The following TXNDC11 variants were observed in gnomAD, a reference collection of about 807,000 sequenced individuals.
The protein encoded by TXNDC11 is thioredoxin domain containing 11, also known as thioredoxin domain-containing protein 11.
A neutral mutation model predicts 78.0 loss-of-function variants in TXNDC11; 68 were observed. The ratio of observed to expected loss-of-function variants is 0.87; its 90% CI spans 0.72 to 1.07. TXNDC11 has a LOEUF of 1.07. TXNDC11 is among the 50% of genes least tolerant of loss of function. The probability of loss-of-function intolerance (pLI) is 0.00; values close to 1 mark genes in which losing one functional copy is unlikely to be tolerated. For missense variants in TXNDC11, 1,389 were observed against 1,221.8 expected (o/e 1.14, Z -2.04); for synonymous variants, 571 against 495.2 (o/e 1.15, Z -2.03).
At position 11,734,022 on chromosome 16, in the gene TXNDC11, G is replaced by C; in HGVS notation, c.529C>G (p.His177Asp). 1 of 1,606,202 alleles carries C rather than the reference G, an allele frequency of 6.2e-7. No individual in the cohort carries two copies. Reference protein sequence around the residue: ...WNQGKCRKQKHFFYFPVIYLY... With the variant: ...WNQGKCRKQKDFFYFPVIYLY... ...TATATTACAGGAAAATAAAAGAAGTGTTTCTGTTTTCTGCATTTCCCCTGG... is the reference window on the plus strand; with the variant it reads ...TATATTACAGGAAAATAAAAGAAGTCTTTCTGTTTTCTGCATTTCCCCTGG... Residue 177 changes from histidine to aspartate, a missense_variant, in exon 3 of 12, where the codon CAC becomes GAC. Coordinates refer to ENST00000283033, the MANE Select transcript of TXNDC11 (RefSeq NM_015914.7).
At chr16:11,709,529 G>A (rs2051281398) in intron 5 of TXNDC11, among the ~76,000 whole-genome samples, 1 of 143,948 alleles carries the variant, frequency 6.9e-6, no homozygotes, top group Non-Finnish European at 1.5e-5. Flanking sequence ...CCGCCTCCCG[G>A]GTTCACGCCA....
intron 1 of TXNDC11, among the ~76,000 whole-genome samples, chr16:11,737,317 C>A (rs762277191): frequency 6.6e-6 from 1 of 151,482 alleles, no homozygotes; most frequent in African/African-American, 2.4e-5. Flanking sequence ...TGGTGATGGG[C>A]GCCTGTAATC....
At chr16:11,737,100 TA>T (rs1229866563) in intron 1 of TXNDC11, among the ~76,000 whole-genome samples, 2 of 151,998 alleles carry the variant, frequency 1.3e-5, no homozygotes, top group African/African-American at 4.8e-5. Context: ...CTAAACGAGA[TA>T]AATAGAGAAC....
intron 4 of TXNDC11, among the ~76,000 whole-genome samples, chr16:11,729,580 A>G (rs2051984411): frequency 6.6e-6 from 1 of 152,196 alleles, no homozygotes; most frequent in African/African-American, 2.4e-5. Flanking sequence ...ACAATTCTAA[A>G]CTGTCAGGAA....
At chr16:11,687,337 T>G (rs1230310045) in intron 10 of TXNDC11, among the ~76,000 whole-genome samples, 1 of 151,898 alleles carries the variant, frequency 6.6e-6, no homozygotes, top group African/African-American at 2.4e-5. Flanking sequence ...CTACCCCATC[T>G]AAAGACTCTG....
At chr16:11,727,689 A>G in intron 4 of TXNDC11, among the ~76,000 whole-genome samples, 1 of 97,500 alleles carries the variant, frequency 1.0e-5, no homozygotes, top group East Asian at 3.5e-4. Context: ...ATAACCTTCC[A>G]CCATTCTCTA....
intron 8 of TXNDC11, among the ~76,000 whole-genome samples, chr16:11,689,656 T>G (rs2050657940): frequency 6.6e-6 from 1 of 152,148 alleles, no homozygotes; most frequent in African/African-American, 2.4e-5. Context: ...ACCCTTAAAT[T>G]CAAAGTGAAC....
Position 11,679,272 on chromosome 16 carries a change from G to A in TXNDC11, c.2800C>T (p.Pro934Ser), listed in dbSNP as rs758525489. 8 of 1,612,990 alleles carry A rather than the reference G, an allele frequency of 5.0e-6. No homozygotes were observed. In the South Asian group the frequency reaches 8.8e-5, roughly 18 times the overall value. ...QPEPSATPQLPGSSPPPANVS... is the reference protein window; with the variant it reads ...QPEPSATPQLSGSSPPPANVS... ...TTGGCAGGTGGAGGGGAGCTGCCAGGGAGCTGGGGGGTGGCTGAGGGCTCA... is the reference window on the plus strand; with the variant it reads ...TTGGCAGGTGGAGGGGAGCTGCCAGAGAGCTGGGGGGTGGCTGAGGGCTCA... Residue 934 changes from proline (P) to serine (S), a missense_variant, in exon 12 of 12, where the codon CCT becomes TCT. Transcript: ENST00000283033. The surrounding 1 kb of genome is among the most constrained non-coding windows in gnomAD (Gnocchi z 4.6).
chr16:11,741,250 G>A (rs1439611679), intron 1 of TXNDC11, among the ~76,000 whole-genome samples: 2 of 152,232 alleles, frequency 1.3e-5, no homozygotes, highest in South Asian at 2.1e-4. Context: ...AAAATGTTCC[G>A]AGGTGAAATC....
chr16:11,709,259 C>CTTTTTTTTTTTTTTTTT (rs60926291), intron 5 of TXNDC11, among the ~76,000 whole-genome samples: 1 of 142,252 alleles, frequency 7.0e-6, no homozygotes, highest in Admixed American at 7.0e-5. Context: ...AGCTGTGATT[C>CTTTTTTTTTTTTTTTTT]TTTTTTTTTT....
At chr16:11,702,421 A>G (rs1284924690) in intron 5 of TXNDC11, among the ~76,000 whole-genome samples, 4 of 152,206 alleles carry the variant, frequency 2.6e-5, no homozygotes, top group African/African-American at 7.2e-5. Context: ...TAATCCTAGC[A>G]CTTTGGGAGG....
chr16:11,710,430 T>G (rs867830393), intron 5 of TXNDC11, among the ~76,000 whole-genome samples: 22 of 152,350 alleles, frequency 1.4e-4, no homozygotes, highest in Middle Eastern at 6.8e-3. Context: ...CATTGCATTT[T>G]CAAGATGAAG....
At chr16:11,703,518 ACAC>A (rs2051093219) in intron 5 of TXNDC11, among the ~76,000 whole-genome samples, 1 of 141,692 alleles carries the variant, frequency 7.1e-6, no homozygotes, top group Non-Finnish European at 1.5e-5. Context: ...ATACACACAC[ACAC>A]ACACACACAC....
At chr16:11,724,020 A>T (rs1306697875) in intron 4 of TXNDC11, among the ~76,000 whole-genome samples, 8 of 152,138 alleles carry the variant, frequency 5.3e-5, no homozygotes. Context: ...TAAAAAATAA[A>T]AAAGAGGCCA....
At chr16:11,720,907 A>C (rs1597473001) in intron 5 of TXNDC11, among the ~76,000 whole-genome samples, 1 of 150,806 alleles carries the variant, frequency 6.6e-6, no homozygotes, top group Admixed American at 6.6e-5. Context: ...ACACGTGCCT[A>C]ATTTTTGTAT....
chr16:11,735,598 G>A (rs2052195456), intron 2 of TXNDC11, among the ~76,000 whole-genome samples: 1 of 152,096 alleles, frequency 6.6e-6, no homozygotes, highest in African/African-American at 2.4e-5. Context: ...TTCCTTATCT[G>A]CTGAATATAG....
At chr16:11,685,946 G>C (rs2050557029) in intron 10 of TXNDC11, among the ~76,000 whole-genome samples, 1 of 152,050 alleles carries the variant, frequency 6.6e-6, no homozygotes, top group Admixed American at 6.6e-5. Context: ...CAGGCTGCAG[G>C]CTTGGTCTAT....
At chr16:11,683,864 G>A (rs1452830411) in intron 11 of TXNDC11, among the ~76,000 whole-genome samples, 1 of 150,768 alleles carries the variant, frequency 6.6e-6, no homozygotes. Flanking sequence ...AGATTCTCGT[G>A]CCTCAGCCTC....
At chr16:11,687,459 TC>T (rs555632824) in intron 10 of TXNDC11, among the ~76,000 whole-genome samples, 55 of 152,336 alleles carry the variant, frequency 3.6e-4, no homozygotes, top group Middle Eastern at 3.4e-3. Flanking sequence ...TATTGGTCTT[TC>T]CTTTTAATTT....
Sources: gnomAD v4.1 joint callset for allele counts (sites outside exome capture counted in the v4.1 genomes callset) on GRCh38, gnomAD v4.1.1 for gene constraint, Gnocchi (gnomAD v3.1) non-coding constraint, MANE v1.5 for transcripts, NCBI Gene and HGNC (gene_info 2026-07-23, HGNC 2026-07-21) for gene names.